IQCJ: variants seen among roughly 807,000 people sequenced by gnomAD.
IQCJ encodes IQ motif containing J, also known as IQ domain-containing protein J.
IQCJ carries 9 observed loss-of-function variants against 11.0 expected under a neutral mutation model. The observed-to-expected ratio is 0.82, with a 90% confidence interval of 0.49 to 1.43. The LOEUF (loss-of-function observed/expected upper bound fraction) is 1.43. IQCJ is among the 40% of genes most tolerant of loss of function. The probability of loss-of-function intolerance (pLI) is 0.00; values close to 1 mark genes in which losing one functional copy is unlikely to be tolerated. For synonymous variants in IQCJ, 55 were observed against 51.3 expected, an observed-to-expected ratio of 1.07 and a Z score of -0.31; for missense variants, 146 against 133.2, an observed-to-expected ratio of 1.10 and a Z score of -0.47.
rs1727681287 is a variant in IQCJ, at chr3:159,252,824, T to C, written c.155+17T>C. ...GGTGAAAATGTAAGTTATTTCAAAGTATAAATTAAGCAATTAGTTCTAGTT... is the reference window on the plus strand; with the variant it reads ...GGTGAAAATGTAAGTTATTTCAAAGCATAAATTAAGCAATTAGTTCTAGTT... On this transcript the variant is annotated intron_variant, in intron 3 of 3. Coordinates refer to ENST00000397832, the MANE Select transcript of IQCJ (RefSeq NM_001042706.3). 1 of 1,603,472 alleles carries C rather than the reference T, an allele frequency of 6.2e-7. No individual in the cohort carries two copies. Among genetic ancestry groups the C allele is most frequent in the Admixed American group, 1.7e-5 (1 of 58,254 alleles).
intron 1 of IQCJ, among the ~76,000 whole-genome samples, chr3:159,244,200 A>T (rs1380886551): frequency 6.6e-6 from 1 of 152,194 alleles, no homozygotes; most frequent in Non-Finnish European, 1.5e-5. Context: ...TGAAGTTTAG[A>T]GAAGAGATCA....
chr3:159,110,377 T>A (rs187626199), intron 1 of IQCJ, among the ~76,000 whole-genome samples: 84 of 152,318 alleles, frequency 5.5e-4, no homozygotes, highest in African/African-American at 1.9e-3. Flanking sequence ...CACCTGATAC[T>A]TTTTTATACT....
chr3:159,249,076 G>A (rs1347834304), intron 2 of IQCJ, among the ~76,000 whole-genome samples: 2 of 151,964 alleles, frequency 1.3e-5, no homozygotes, highest in African/African-American at 4.8e-5. Context: ...GGCTGGTCTC[G>A]AACTCCTGAC....
chr3:159,262,703 T>TTG lies in IQCJ; in HGVS notation c.312_313insGT (p.Leu105ValfsTer6). ...ACACCCGTGAGTGTCATGTTTCTTT[T>TTG]TCTATGTCCTGACTTGACATTCAAC... On this transcript the variant is annotated frameshift_variant, in exon 4 of 4. Coordinates refer to ENST00000397832, the MANE Select transcript of IQCJ (RefSeq NM_001042706.3). LOFTEE classifies it low-confidence loss of function (END_TRUNC). The TTG allele has an allele frequency of 6.2e-7, 1 of 1,613,858 alleles. No homozygotes were observed. The highest frequency in any genetic ancestry group is 1.3e-5 in the African/African-American group (1 of 75,040).
chr3:159,227,289 A>G (rs940760235), intron 1 of IQCJ, among the ~76,000 whole-genome samples: 4 of 152,214 alleles, frequency 2.6e-5, no homozygotes, highest in Admixed American at 1.3e-4. Flanking sequence ...ATTATCATAA[A>G]TTATTTAGCC....
At chr3:159,220,094 C>T (rs915301193) in intron 1 of IQCJ, among the ~76,000 whole-genome samples, 2 of 152,084 alleles carry the variant, frequency 1.3e-5, no homozygotes, top group East Asian at 3.8e-4. Context: ...ACATGTGCTC[C>T]CTTAAGAGTC....
chr3:159,132,613 A>G (rs1469443225), intron 1 of IQCJ, among the ~76,000 whole-genome samples: 1 of 152,216 alleles, frequency 6.6e-6, no homozygotes, highest in Non-Finnish European at 1.5e-5. Flanking sequence ...GATTTTAGGA[A>G]TGGAAAGAGC....
intron 1 of IQCJ, among the ~76,000 whole-genome samples, chr3:159,240,498 A>C (rs1726855975): frequency 6.6e-6 from 1 of 152,224 alleles, no homozygotes; most frequent in African/African-American, 2.4e-5. Context: ...TTATTGATGA[A>C]AAGTAGTGTA....
intron 1 of IQCJ, among the ~76,000 whole-genome samples, chr3:159,121,177 A>G (rs1256487132): frequency 6.7e-6 from 1 of 148,810 alleles, no homozygotes; most frequent in East Asian, 2.0e-4. Flanking sequence ...ACTGTTGCCC[A>G]GGCTGAAGTT....
At chr3:159,114,058 G>T (rs1718799227) in intron 1 of IQCJ, among the ~76,000 whole-genome samples, 1 of 152,122 alleles carries the variant, frequency 6.6e-6, no homozygotes, top group Non-Finnish European at 1.5e-5. Flanking sequence ...AGCAAAAGAA[G>T]AAATTAGCCA....
chr3:159,169,989 T>C (rs535272170), intron 1 of IQCJ, among the ~76,000 whole-genome samples: 5 of 152,202 alleles, frequency 3.3e-5, no homozygotes, highest in Non-Finnish European at 5.9e-5. Flanking sequence ...ACCTTTTGTA[T>C]GTACTCTGGT....
At chr3:159,225,392 G>A (rs949454338) in intron 1 of IQCJ, among the ~76,000 whole-genome samples, 1 of 152,096 alleles carries the variant, frequency 6.6e-6, no homozygotes, top group African/African-American at 2.4e-5. Context: ...GGAAAGGAGG[G>A]GTGGTTATGG....
At chr3:159,163,527 C>T (rs1353471513) in intron 1 of IQCJ, among the ~76,000 whole-genome samples, 1 of 151,964 alleles carries the variant, frequency 6.6e-6, no homozygotes, top group Non-Finnish European at 1.5e-5. Flanking sequence ...ACAGGGATGC[C>T]CTAATTTTTG....
At chr3:159,258,747 T>C (rs1410614673) in intron 3 of IQCJ, among the ~76,000 whole-genome samples, 1 of 152,216 alleles carries the variant, frequency 6.6e-6, no homozygotes, top group East Asian at 1.9e-4. Flanking sequence ...AATCAAGATT[T>C]CTGGCTGTTC....
intron 1 of IQCJ, among the ~76,000 whole-genome samples, chr3:159,144,064 A>G (rs948616482): frequency 1.3e-5 from 2 of 152,204 alleles, no homozygotes; most frequent in Admixed American, 1.3e-4. Flanking sequence ...CCCTTATGCT[A>G]TAATCACTTT....
chr3:159,157,897 T>C (rs1294338834), intron 1 of IQCJ, among the ~76,000 whole-genome samples: 1 of 152,166 alleles, frequency 6.6e-6, no homozygotes, highest in Non-Finnish European at 1.5e-5. Flanking sequence ...TTTGTGTAGA[T>C]CCAAATAATA....
At chr3:159,246,120 T>A (rs984661069) in intron 2 of IQCJ, among the ~76,000 whole-genome samples, 1 of 152,174 alleles carries the variant, frequency 6.6e-6, no homozygotes, top group Non-Finnish European at 1.5e-5. Flanking sequence ...AACAGAGTAA[T>A]ATGATGCCTG....
rs190713427 is a variant in IQCJ at position 159,095,001 on chromosome 3, C to A, written c.9+25560C>A. Among the ~76,000 whole-genome samples, 670 of 151,934 alleles carry A rather than the reference C, an allele frequency of 4.4e-3. 20 individuals carry two copies. The highest frequency in any genetic ancestry group is 0.015 in the African/African-American group (630 of 41,210). Reference sequence around the variant, plus strand: ...AGTGTCTTCCCTGGGACAGGTTTCCCCATTCCCACTTCCAAATCCAGCAAC... The same window carrying A: ...AGTGTCTTCCCTGGGACAGGTTTCCACATTCCCACTTCCAAATCCAGCAAC... On this transcript the variant is annotated intron_variant, in intron 1 of 3. Coordinates refer to ENST00000397832, the MANE Select transcript of IQCJ (RefSeq NM_001042706.3).
chr3:159,151,667 G>T (rs1193714651), intron 1 of IQCJ, among the ~76,000 whole-genome samples: 2 of 152,094 alleles, frequency 1.3e-5, no homozygotes, highest in South Asian at 2.1e-4. Context: ...ACGGAGTCTC[G>T]CTCTGTCGCC....
Sources: allele counts gnomAD v4.1 joint callset (sites outside exome capture counted in the v4.1 genomes callset), GRCh38; gene constraint gnomAD v4.1.1; transcripts MANE v1.5; gene names NCBI Gene and HGNC (gene_info 2026-07-23, HGNC 2026-07-21).